AP1G1: variants seen among roughly 807,000 people sequenced by gnomAD.
AP1G1 encodes the protein AP-1 complex subunit gamma-1.
In AP1G1, 7 loss-of-function variants were observed where a neutral mutation model predicts 108.3. The observed-to-expected ratio is 0.06, with a 90% CI of 0.04 to 0.12. The LOEUF (loss-of-function observed/expected upper bound fraction) is 0.12, where lower values mean the gene tolerates loss of function less well. Ranked by LOEUF, AP1G1 falls within the 10% of genes least tolerant of loss-of-function variation. The pLI is 1.00. For synonymous variants in AP1G1, 379 were observed against 353.5 expected, an observed-to-expected ratio of 1.07 and a Z score of -0.81; for missense variants, 756 against 1,010.7, an observed-to-expected ratio of 0.75 and a Z score of 3.42.
At chr16:71,758,377 CCTGGGGCGTAAGTA>C in intron 11 of AP1G1, 1 of 514,868 alleles carries the variant, frequency 1.9e-6, no homozygotes, top group Non-Finnish European at 3.9e-6. Flanking sequence ...CCTTCAGGAT[CCTGGGGCGTAAGTA>C]CTGTGAAAAA....
chr16:71,745,654 C>G lies in AP1G1; in HGVS notation c.1731-40G>C, dbSNP rs576823861. ...AGTGGTTAAATTCTAGGCAGTTAACCTAGATTCCCTACCCAAAATAATCAC... is the reference window on the plus strand; with the variant it reads ...AGTGGTTAAATTCTAGGCAGTTAACGTAGATTCCCTACCCAAAATAATCAC... On this transcript the variant is annotated intron_variant, in intron 17 of 22. Coordinates refer to ENST00000299980, the MANE Select transcript of AP1G1 (RefSeq NM_001128.6). 3.0e-5 allele frequency: 46 copies of G among 1,555,486 alleles called. No homozygotes were observed. In the South Asian group the frequency reaches 3.8e-4, roughly 13 times the overall value.
At chr16:71,804,486 G>C (rs896025517) in intron 1 of AP1G1, among the ~76,000 whole-genome samples, 1 of 145,788 alleles carries the variant, frequency 6.9e-6, no homozygotes, top group Non-Finnish European at 1.5e-5. Flanking sequence ...TCAGCTCACT[G>C]CAACCTCCAC....
At chr16:71,808,658 C>T (rs2033084246) in intron 1 of AP1G1, 105 bp downstream of exon 1, 1 of 1,289,476 alleles carries the variant, frequency 7.8e-7, no homozygotes, top group East Asian at 5.5e-5. Flanking sequence ...CACCCACAGC[C>T]TGGGACTGGA....
At chr16:71,741,576 C>A (rs1258449274) in intron 19 of AP1G1, among the ~76,000 whole-genome samples, 1 of 152,056 alleles carries the variant, frequency 6.6e-6, no homozygotes, top group African/African-American at 2.4e-5. Flanking sequence ...GAGCAAGACA[C>A]CATCTCAAAA....
Position 71,791,424 on chromosome 16 carries a change from C to T in AP1G1, c.-3-1942G>A, listed in dbSNP as rs567393606. 1.3e-3 allele frequency among the ~76,000 whole-genome samples: 202 copies of T among 152,122 alleles called. 2 individuals are homozygous for T. Among genetic ancestry groups the T allele is most frequent in the South Asian group, 2.9e-3 (14 of 4,818 alleles). ...CTGAGAAAATTACTAGTTATTCTAA[C>T]CTGCTTAAAGGCATATTTAACCACT... On this transcript the variant is annotated intron_variant, in intron 1 of 22. Transcript: ENST00000299980.
intron 1 of AP1G1, among the ~76,000 whole-genome samples, chr16:71,792,887 G>T (rs1223005002): frequency 6.6e-6 from 1 of 151,820 alleles, no homozygotes; most frequent in East Asian, 1.9e-4. Flanking sequence ...TACAAGTGAG[G>T]CTGGGCACGG....
At chr16:71,808,292 C>T (rs1201777625) in intron 1 of AP1G1, 6 of 844,866 alleles carry the variant, frequency 7.1e-6, no homozygotes, top group Non-Finnish European at 9.2e-6. Flanking sequence ...TCCGAGAGGA[C>T]GGCACTGCAG....
chr16:71,773,398 G>C (rs1436391438), intron 3 of AP1G1, 36 bp from the exon 4 acceptor site: 2 of 1,467,262 alleles, frequency 1.4e-6, no homozygotes, highest in Non-Finnish European at 1.8e-6. Flanking sequence ...AACAAGCCTG[G>C]TGCTCCCCAA....
intron 10 of AP1G1, among the ~76,000 whole-genome samples, chr16:71,760,363 T>A (rs1212229286): frequency 6.6e-6 from 1 of 151,186 alleles, no homozygotes; most frequent in Admixed American, 6.6e-5. Flanking sequence ...GCCAACATGG[T>A]GAAACCCCGT....
chr16:71,801,469 AATTC>A (rs1336146755), intron 1 of AP1G1, among the ~76,000 whole-genome samples: 1 of 152,186 alleles, frequency 6.6e-6, no homozygotes, highest in Non-Finnish European at 1.5e-5. Flanking sequence ...TTGAAGCGTA[AATTC>A]ATTCATAATC....
At chr16:71,738,891 AGC>A in intron 21 of AP1G1, 49 bp downstream of exon 21, 1 of 1,369,424 alleles carries the variant, frequency 7.3e-7, no homozygotes, top group South Asian at 1.4e-5. Context: ...GAAAAAAAAA[AGC>A]CAGCCAATCT....
intron 2 of AP1G1, 31 bp from the exon 3 acceptor site, chr16:71,774,623 A>G (rs2031705956): frequency 1.3e-6 from 2 of 1,547,212 alleles, no homozygotes; most frequent in Non-Finnish European, 1.7e-6. Flanking sequence ...AAAGAAGGAA[A>G]TTAAAACTTG....
At chr16:71,747,162 C>G (rs942688035) in intron 16 of AP1G1, 2 of 152,228 alleles carry the variant, frequency 1.3e-5, no homozygotes, top group Admixed American at 6.5e-5. Context: ...TTTTATAAGA[C>G]TTCACATTTA....
In AP1G1 at chr16:71,756,056, C is replaced by T. The variant is rs2030768607; in HGVS notation, c.1192G>A (p.Ala398Thr). The change falls in exon 12 of 23, where the codon GCA becomes ACA. Residue 398 changes from alanine (A) to threonine (T), a missense_variant. Ala to Thr is a moderately conservative substitution (Grantham distance 58). Around this residue, in one of 3 missense-constraint regions of AP1G1, gnomAD observed 357 missense variants for 366.5 expected, o/e 0.97. Coordinates refer to ENST00000299980, the MANE Select transcript of AP1G1 (RefSeq NM_001128.6). ...AGAAAGATTCCAGATGCACAGTCTG[C>T]TTTAAATTCTGGCTCACACGAATCC... is the stretch of plus-strand genomic sequence containing the variant. ...FLDSCEPEFK[A>T]DCASGIFLAA... The T allele has an allele frequency of 1.2e-6, 2 of 1,613,218 alleles. No individual in the cohort carries two copies. Among genetic ancestry groups the T allele is most frequent in the Non-Finnish European group, 1.7e-6 (2 of 1,179,626 alleles).
Position 71,756,064 on chromosome 16 carries a change from T to G in AP1G1, c.1184A>C (p.Glu395Ala), listed in dbSNP as rs1291212750. ...TCCAGATGCACAGTCTGCTTTAAAT[T>G]CTGGCTCACACGAATCCAGAAAATA... ...LLYFLDSCEPEFKADCASGIF... is the reference protein window; with the variant it reads ...LLYFLDSCEPAFKADCASGIF... The change falls in exon 12 of 23, where the codon GAA becomes GCA. Residue 395 changes from glutamate (E) to alanine (A), a missense_variant. Around this residue, in one of 3 missense-constraint regions of AP1G1, gnomAD observed 357 missense variants for 366.5 expected, o/e 0.97. Transcript: ENST00000299980. 6.2e-7 allele frequency: 1 copy of G among 1,613,234 alleles called. No individual in the cohort carries two copies. Among genetic ancestry groups the G allele is most frequent in the African/African-American group, 1.3e-5 (1 of 74,942 alleles).
At chr16:71,735,456 G>A (rs2045521866) in intron 21 of AP1G1, among the ~76,000 whole-genome samples, 1 of 152,176 alleles carries the variant, frequency 6.6e-6, no homozygotes, top group Non-Finnish European at 1.5e-5. Context: ...GAGGTCAGGA[G>A]TTCGAGACCA....
At chr16:71,777,539 G>A (rs370561061) in intron 2 of AP1G1, 16 of 330,602 alleles carry the variant, frequency 4.8e-5, no homozygotes, top group Non-Finnish European at 1.9e-5. Flanking sequence ...GGCTGGACTT[G>A]TCTGTTCCCA....
intron 2 of AP1G1, chr16:71,777,521 C>T (rs545980860): frequency 1.8e-5 from 5 of 285,288 alleles, no homozygotes; most frequent in Admixed American, 1.3e-4. Context: ...AGGAGCCAGG[C>T]GAAGAGTGGC....
intron 12 of AP1G1, among the ~76,000 whole-genome samples, chr16:71,754,708 G>T (rs530206183): frequency 6.6e-6 from 1 of 152,260 alleles, no homozygotes; most frequent in South Asian, 2.1e-4. Flanking sequence ...GGCTGAGGCA[G>T]AAGGATGGCT....
Sources: gnomAD v4.1 joint callset for allele counts (sites outside exome capture counted in the v4.1 genomes callset) on GRCh38, gnomAD v4.1.1 for gene constraint, gnomAD v4.1.1 regional missense constraint, MANE v1.5 for transcripts, NCBI Gene and HGNC (gene_info 2026-07-23, HGNC 2026-07-21) for gene names.